Variants in MSRA observed in about 807,000 individuals in gnomAD.
MSRA encodes methionine sulfoxide reductase A.
MSRA carries 54 observed loss-of-function variants against 31.3 expected under a neutral mutation model. The ratio of observed to expected loss-of-function variants is 1.73; its 90% CI spans 1.39 to 2.17. The LOEUF (loss-of-function observed/expected upper bound fraction) is 2.17. Among genes scored for constraint, MSRA ranks in the 30% most tolerant of loss-of-function variants. MSRA has a pLI of 0.00. For synonymous variants in MSRA, 169 were observed against 116.5 expected (o/e 1.45, Z -2.90); for missense variants, 507 against 300.9 (o/e 1.69, Z -5.07).
In MSRA at chr8:10,085,293, A is replaced by T. The variant is rs189621107; in HGVS notation, c.142+30635A>T. The stretch of plus-strand genomic sequence containing the variant: ...ACGTTTCTGATTTCCACTCATCCTC[A>T]TGGCCCCATTTGAGATGAACATCAT... On this transcript the variant is annotated intron_variant, in intron 1 of 5. Transcript: ENST00000317173. Among the ~76,000 whole-genome samples the T allele has an allele frequency of 1.7e-3, 255 of 152,252 alleles. 1 individual carries two copies. The highest frequency in any genetic ancestry group is 5.7e-3 in the African/African-American group (236 of 41,538).
intron 1 of MSRA, among the ~76,000 whole-genome samples, chr8:10,128,403 A>C (rs958374533): frequency 6.6e-6 from 1 of 152,158 alleles, no homozygotes; most frequent in South Asian, 2.1e-4. Context: ...AATTCTGTCT[A>C]AATTCCAGTG....
At chr8:10,346,990 T>C (rs2129155095) in intron 5 of MSRA, among the ~76,000 whole-genome samples, 1 of 152,338 alleles carries the variant, frequency 6.6e-6, no homozygotes, top group East Asian at 1.9e-4. Context: ...GTGCTGCTGT[T>C]ACTTGTTCCC....
chr8:10,124,620 G>A (rs190016774), intron 1 of MSRA, among the ~76,000 whole-genome samples: 94 of 152,310 alleles, frequency 6.2e-4, no homozygotes, highest in Non-Finnish European at 1.0e-3. Flanking sequence ...AGAACAGGAT[G>A]TATGGTTAAA....
intron 1 of MSRA, among the ~76,000 whole-genome samples, chr8:10,069,087 T>C (rs1797604675): frequency 6.6e-6 from 1 of 152,260 alleles, no homozygotes; most frequent in South Asian, 2.1e-4. Flanking sequence ...GTTGCTGGTA[T>C]AGGAAGGCAA....
chr8:10,208,932 C>T (rs1809247103), intron 2 of MSRA, among the ~76,000 whole-genome samples: 1 of 152,230 alleles, frequency 6.6e-6, no homozygotes, highest in African/African-American at 2.4e-5. Context: ...TATAAATGAG[C>T]ACACTGAAGT....
chr8:10,212,599 A>G (rs1241734825), intron 2 of MSRA, among the ~76,000 whole-genome samples: 9 of 152,234 alleles, frequency 5.9e-5, no homozygotes, highest in Non-Finnish European at 7.3e-5. Flanking sequence ...ATGCGTATTC[A>G]TAAAACCTAG....
intron 3 of MSRA, among the ~76,000 whole-genome samples, chr8:10,255,302 G>A (rs1798118722): frequency 6.6e-6 from 1 of 152,240 alleles, no homozygotes; most frequent in Non-Finnish European, 1.5e-5. Context: ...GCAGAGGGAA[G>A]GGGCCTTTTA....
intron 3 of MSRA, among the ~76,000 whole-genome samples, chr8:10,292,762 G>A (rs1309822503): frequency 6.6e-6 from 1 of 152,230 alleles, no homozygotes; most frequent in Non-Finnish European, 1.5e-5. Context: ...CTGGGACACT[G>A]TGGACTGGGG....
chr8:10,404,340 GC>G (rs1563442519), intron 5 of MSRA, among the ~76,000 whole-genome samples: 1 of 152,172 alleles, frequency 6.6e-6, no homozygotes, highest in Admixed American at 6.5e-5. Flanking sequence ...TTTCTCCCCA[GC>G]CCCGTGACAA....
chr8:10,293,861 G>A lies in MSRA; in HGVS notation c.332-7673G>A, dbSNP rs1800384399. Among the ~76,000 whole-genome samples the A allele has an allele frequency of 1.3e-5, 2 of 152,146 alleles. 1 individual carries two copies. The highest frequency in any genetic ancestry group is 4.8e-5 in the African/African-American group (2 of 41,428). ...CACAGGCTGAGAGCTGGCTACTCAG[G>A]GATCTGTGGCGCTCTAGACCAGTGG... On this transcript the variant is annotated intron_variant, in intron 3 of 5. Coordinates refer to ENST00000317173, the MANE Select transcript of MSRA (RefSeq NM_012331.5).
At chr8:10,216,705 G>C (rs543986991) in intron 2 of MSRA, among the ~76,000 whole-genome samples, 1 of 152,112 alleles carries the variant, frequency 6.6e-6, no homozygotes, top group African/African-American at 2.4e-5. Flanking sequence ...ATTCTACTTC[G>C]CATAATGTCT....
At chr8:10,122,451 G>A (rs1244983303) in intron 1 of MSRA, among the ~76,000 whole-genome samples, 2 of 151,926 alleles carry the variant, frequency 1.3e-5, no homozygotes, top group East Asian at 3.9e-4. Flanking sequence ...TGTAAATGAT[G>A]AATTGTGCTC....
intron 3 of MSRA, among the ~76,000 whole-genome samples, chr8:10,294,688 G>A (rs532600060): frequency 3.7e-4 from 57 of 152,216 alleles, no homozygotes; most frequent in African/African-American, 9.4e-4. Context: ...CAGTGTCACC[G>A]ACCTCCTTGC....
At chr8:10,202,465 C>A (rs1014697760) in intron 1 of MSRA, among the ~76,000 whole-genome samples, 1 of 152,198 alleles carries the variant, frequency 6.6e-6, no homozygotes, top group East Asian at 1.9e-4. Context: ...AAAATGACTT[C>A]TTCCCCTGTG....
At chr8:10,116,410 G>A (rs1037543501) in intron 1 of MSRA, among the ~76,000 whole-genome samples, 1 of 152,162 alleles carries the variant, frequency 6.6e-6, no homozygotes, top group South Asian at 2.1e-4. Context: ...TTTTCACATA[G>A]TGAGTAAAAA....
intron 4 of MSRA, among the ~76,000 whole-genome samples, chr8:10,309,743 C>A (rs1339135998): frequency 6.6e-6 from 1 of 152,188 alleles, no homozygotes; most frequent in Non-Finnish European, 1.5e-5. Flanking sequence ...ACTAGAGAGC[C>A]TGCAAGGACT....
At chr8:10,203,336 A>G (rs1266886958) in intron 1 of MSRA, among the ~76,000 whole-genome samples, 1 of 152,152 alleles carries the variant, frequency 6.6e-6, no homozygotes, top group Non-Finnish European at 1.5e-5. Context: ...GGCTGGGGAA[A>G]CTATTTCTGA....
intron 3 of MSRA, among the ~76,000 whole-genome samples, chr8:10,276,328 C>T (rs538491753): frequency 1.3e-5 from 2 of 152,336 alleles, no homozygotes; most frequent in Non-Finnish European, 2.9e-5. Flanking sequence ...CAACAGTGGG[C>T]TGCCTTGTAA....
chr8:10,232,948 T>C (rs1437071752), intron 2 of MSRA, among the ~76,000 whole-genome samples: 1 of 152,250 alleles, frequency 6.6e-6, no homozygotes, highest in East Asian at 1.9e-4. Context: ...AATATTTTTT[T>C]CCTTCAATTT....
Sources: allele counts gnomAD v4.1 joint callset (sites outside exome capture counted in the v4.1 genomes callset), GRCh38; gene constraint gnomAD v4.1.1; transcripts MANE v1.5; gene names NCBI Gene and HGNC (gene_info 2026-07-23, HGNC 2026-07-21).